The following MACROD2 variants were observed in gnomAD, a reference collection of about 807,000 sequenced individuals.
MACROD2 encodes ADP-ribose glycohydrolase MACROD2.
In MACROD2, 36 loss-of-function variants were observed where a neutral mutation model predicts 70.4. That is an observed-to-expected ratio of 0.51 (90% CI 0.39 to 0.68). The LOEUF is 0.68. MACROD2 is among the 30% of genes least tolerant of loss of function. The pLI is 0.00. For missense variants in MACROD2, 496 were observed against 538.4 expected (o/e 0.92, Z 0.78); for synonymous variants, 172 against 178.8 (o/e 0.96, Z 0.30).
At chr20:15,005,703 A>T (rs955508470) in intron 5 of MACROD2, among the ~76,000 whole-genome samples, 3 of 152,064 alleles carry the variant, frequency 2.0e-5, no homozygotes, top group Non-Finnish European at 2.9e-5. Flanking sequence ...TCAAATTGCG[A>T]ATTCTGAGAT....
At chr20:14,244,409 T>C (rs1003510821) in intron 3 of MACROD2, among the ~76,000 whole-genome samples, 9 of 151,570 alleles carry the variant, frequency 5.9e-5, no homozygotes, top group Admixed American at 2.6e-4. Flanking sequence ...CCATATTCAG[T>C]AGTGAGCAAA....
At chr20:15,894,919 G>C (rs1348488934) in intron 10 of MACROD2, among the ~76,000 whole-genome samples, 2 of 152,196 alleles carry the variant, frequency 1.3e-5, no homozygotes, top group Non-Finnish European at 2.9e-5. Context: ...ATCTCCTGTT[G>C]TAGTTCGGTC....
chr20:15,629,305 G>A (rs1304947831), intron 8 of MACROD2, among the ~76,000 whole-genome samples: 2 of 152,082 alleles, frequency 1.3e-5, no homozygotes, highest in Non-Finnish European at 2.9e-5. Context: ...CTTTTCTGAC[G>A]CGACTGTTTT....
intron 5 of MACROD2, among the ~76,000 whole-genome samples, chr20:15,085,577 G>T (rs2075740837): frequency 6.6e-6 from 1 of 151,964 alleles, no homozygotes; most frequent in African/African-American, 2.4e-5. Context: ...TAATCATGAG[G>T]GGGACATGGA....
intron 4 of MACROD2, among the ~76,000 whole-genome samples, chr20:14,656,330 G>A (rs917052473): frequency 1.3e-5 from 2 of 152,140 alleles, no homozygotes; most frequent in Non-Finnish European, 2.9e-5. Flanking sequence ...TAGCCAATTG[G>A]CGATCTCCTT....
At chr20:15,051,338 A>ATGTGTG (rs6147297) in intron 5 of MACROD2, among the ~76,000 whole-genome samples, 18 of 129,444 alleles carry the variant, frequency 1.4e-4, no homozygotes, top group African/African-American at 1.8e-4. Flanking sequence ...TCAGTAGGAG[A>ATGTGTG]TGTGTGTGTG....
chr20:15,926,794 C>A (rs1415097959), intron 10 of MACROD2, among the ~76,000 whole-genome samples: 1 of 152,132 alleles, frequency 6.6e-6, no homozygotes, highest in African/African-American at 2.4e-5. Context: ...AGCAGGATAC[C>A]AGGAGAGAAT....
chr20:15,315,726 G>A (rs2077802310), intron 6 of MACROD2, among the ~76,000 whole-genome samples: 1 of 152,156 alleles, frequency 6.6e-6, no homozygotes, highest in South Asian at 2.1e-4. Flanking sequence ...ACAGTAAGTT[G>A]AAGTCATATG....
chr20:14,207,406 G>C (rs957256140), intron 3 of MACROD2, among the ~76,000 whole-genome samples: 1 of 152,114 alleles, frequency 6.6e-6, no homozygotes, highest in Non-Finnish European at 1.5e-5. Flanking sequence ...GGCCAGAAAT[G>C]ACACTTCTTG....
At chr20:14,596,490 AT>A (rs201835503) in intron 4 of MACROD2, among the ~76,000 whole-genome samples, 3,512 of 150,634 alleles carry the variant, frequency 0.023, 57 homozygotes, top group South Asian at 0.037. Flanking sequence ...TTGAGGACTA[AT>A]TTTTTTGAAT....
At chr20:14,658,501 A>G (rs565463154) in intron 4 of MACROD2, among the ~76,000 whole-genome samples, 2 of 152,256 alleles carry the variant, frequency 1.3e-5, no homozygotes, top group Non-Finnish European at 2.9e-5. Flanking sequence ...TGCTGAATTT[A>G]TCTCTTACTT....
intron 8 of MACROD2, among the ~76,000 whole-genome samples, chr20:15,529,270 G>A (rs2047763523): frequency 6.6e-6 from 1 of 150,890 alleles, no homozygotes; most frequent in African/African-American, 2.4e-5. Context: ...TCTGTGGGAT[G>A]CGTGTGTGTG....
Position 15,542,844 on chromosome 20 carries a change from T to A in MACROD2, c.645+42997T>A, listed in dbSNP as rs1010525106. ...AATAGGCCAACTCTATTTGTGGGCC[T>A]AGGACTTGATATTGGAGATCACGTG... On this transcript the variant is annotated intron_variant, in intron 8 of 17. Coordinates refer to ENST00000684519, the MANE Select transcript of MACROD2 (RefSeq NM_001351661.2). Among the ~76,000 whole-genome samples, 9 of 152,190 alleles carry A rather than the reference T, an allele frequency of 5.9e-5. No individual in the cohort carries two copies. In the East Asian group the frequency reaches 1.7e-3, roughly 29 times the overall value.
At chr20:15,000,946 A>C (rs2074990532) in intron 5 of MACROD2, among the ~76,000 whole-genome samples, 1 of 152,196 alleles carries the variant, frequency 6.6e-6, no homozygotes, top group Non-Finnish European at 1.5e-5. Context: ...GTGTACTGCA[A>C]AACAATCTCA....
At chr20:14,311,807 C>T (rs1364116350) in intron 3 of MACROD2, among the ~76,000 whole-genome samples, 1 of 152,114 alleles carries the variant, frequency 6.6e-6, no homozygotes, top group Admixed American at 6.6e-5. Flanking sequence ...CGTGAGCCAC[C>T]GCACCCGGCC....
intron 4 of MACROD2, among the ~76,000 whole-genome samples, chr20:14,609,228 A>G (rs1983005919): frequency 9.7e-6 from 1 of 103,282 alleles, no homozygotes; most frequent in African/African-American, 2.7e-5. Context: ...CATTAGAAAC[A>G]GAGAGCGTCA....
At chr20:15,892,582 A>G (rs988261262) in intron 10 of MACROD2, among the ~76,000 whole-genome samples, 34 of 152,388 alleles carry the variant, frequency 2.2e-4, no homozygotes, top group African/African-American at 8.2e-4. Flanking sequence ...CAATTAATCT[A>G]TGAAGATTGA....
At chr20:14,805,757 C>A (rs75366515) in intron 5 of MACROD2, among the ~76,000 whole-genome samples, 9,124 of 152,010 alleles carry the variant, frequency 0.06, 391 homozygotes, top group African/African-American at 0.1. Context: ...ACTCATCTTC[C>A]GAACATTTTT....
Position 14,763,863 on chromosome 20 carries a change from A to G in MACROD2, c.418+78904A>G, listed in dbSNP as rs929569145. ...AAAGATCACAATATAACTTAGAGAT[A>G]TAGATTTGAAAGTCATTAATAGATT... On this transcript the variant is annotated intron_variant, in intron 5 of 17. Transcript: ENST00000684519. 3.9e-5 allele frequency among the ~76,000 whole-genome samples: 6 copies of G among 152,164 alleles called. 1 individual carries two copies. Among genetic ancestry groups the G allele is most frequent in the Admixed American group, 6.5e-5 (1 of 15,292 alleles).
Sources: allele counts gnomAD v4.1 joint callset (sites outside exome capture counted in the v4.1 genomes callset), GRCh38; gene constraint gnomAD v4.1.1; transcripts MANE v1.5; gene names NCBI Gene and HGNC (gene_info 2026-07-23, HGNC 2026-07-21).